DSCAM: variants seen among roughly 807,000 people sequenced by gnomAD.
DSCAM encodes cell adhesion molecule DSCAM.
DSCAM carries 47 observed loss-of-function variants against 217.7 expected under a neutral mutation model. The ratio of observed to expected loss-of-function variants is 0.22; its 90% CI spans 0.17 to 0.28. The LOEUF is 0.28. DSCAM is among the 10% of genes least tolerant of loss of function. The probability of loss-of-function intolerance (pLI) is 1.00; values close to 1 mark genes in which losing one functional copy is unlikely to be tolerated. For missense variants in DSCAM, 2,080 were observed against 2,618.3 expected (o/e 0.79, Z 4.49); for synonymous variants, 1,056 against 1,015.3 (o/e 1.04, Z -0.76).
chr21:40,579,984 G>T (rs1017815952), intron 3 of DSCAM, among the ~76,000 whole-genome samples: 1 of 152,064 alleles, frequency 6.6e-6, no homozygotes. Flanking sequence ...GCTAGGGTCC[G>T]TGCTACACGG....
At chr21:40,714,555 C>T (rs1351519110) in intron 1 of DSCAM, among the ~76,000 whole-genome samples, 1 of 152,194 alleles carries the variant, frequency 6.6e-6, no homozygotes, top group Non-Finnish European at 1.5e-5. Flanking sequence ...CCTCTTCCTG[C>T]CTCTTTCTCC....
chr21:40,562,523 C>T (rs567483292), intron 3 of DSCAM, among the ~76,000 whole-genome samples: 3 of 152,326 alleles, frequency 2.0e-5, no homozygotes, highest in East Asian at 3.9e-4. Flanking sequence ...AGCTCAGCAT[C>T]ATGTTTACTG....
rs200674251 is a variant in DSCAM, at chr21:40,438,428, TGA to T, written c.509-69185_509-69184del. The stretch of plus-strand genomic sequence containing the variant: ...GATGAATGAATGAATGAGTGGTAAG[TGA>T]AGGAGTTAAATAAATGAGAAAGTGC... On this transcript the variant is annotated intron_variant, in intron 3 of 32. Transcript: ENST00000400454. Among the ~76,000 whole-genome samples, 595 of 152,244 alleles carry T rather than the reference TGA, an allele frequency of 3.9e-3. 18 individuals are homozygous for T. The East Asian group carries it at 0.07, about 18-fold the overall frequency.
At chr21:40,245,270 G>A (rs2073208658) in intron 11 of DSCAM, among the ~76,000 whole-genome samples, 1 of 152,210 alleles carries the variant, frequency 6.6e-6, no homozygotes, top group Non-Finnish European at 1.5e-5. Flanking sequence ...GCAGCCAGCA[G>A]CCCTGAGTTT....
At chr21:40,088,232 C>T (rs978081904) in intron 21 of DSCAM, among the ~76,000 whole-genome samples, 13 of 152,094 alleles carry the variant, frequency 8.5e-5, no homozygotes, top group African/African-American at 7.2e-5. Context: ...ATGCACAGAC[C>T]GGAAACCATA....
intron 1 of DSCAM, among the ~76,000 whole-genome samples, chr21:40,835,734 C>T (rs1466629123): frequency 2.0e-5 from 3 of 152,068 alleles, no homozygotes; most frequent in East Asian, 3.9e-4. Context: ...TGAATTTAGG[C>T]CTCTCTCCAG....
intron 3 of DSCAM, among the ~76,000 whole-genome samples, chr21:40,467,808 AG>A (rs2075856784): frequency 6.6e-6 from 1 of 151,822 alleles, no homozygotes; most frequent in Non-Finnish European, 1.5e-5. Context: ...CAATTATGTG[AG>A]GGGAAAATAA....
chr21:40,355,817 C>A (rs16999692), intron 4 of DSCAM, among the ~76,000 whole-genome samples: 62 of 152,246 alleles, frequency 4.1e-4, no homozygotes, highest in African/African-American at 1.4e-3. Flanking sequence ...GTAATTTTGA[C>A]GAACATCTCT....
intron 4 of DSCAM, among the ~76,000 whole-genome samples, chr21:40,357,861 T>TAAA (rs71186927): frequency 0.03 from 4,594 of 150,966 alleles, 91 homozygotes; most frequent in African/African-American, 0.054. Flanking sequence ...TAAAGTATAA[T>TAAA]AAAAAAAAAC....
chr21:40,309,271 C>G (rs558648804), intron 9 of DSCAM, among the ~76,000 whole-genome samples: 57 of 152,340 alleles, frequency 3.7e-4, no homozygotes, highest in African/African-American at 1.2e-3. Flanking sequence ...GCTGCAATGA[C>G]ACCAGGTCAT....
intron 1 of DSCAM, among the ~76,000 whole-genome samples, chr21:40,755,092 G>A (rs1391384288): frequency 1.3e-5 from 2 of 152,196 alleles, no homozygotes; most frequent in African/African-American, 2.4e-5. Flanking sequence ...ACATGGAAGA[G>A]GAAGGGAGAT....
intron 3 of DSCAM, among the ~76,000 whole-genome samples, chr21:40,521,523 T>C (rs1245779497): frequency 6.6e-6 from 1 of 152,144 alleles, no homozygotes; most frequent in Non-Finnish European, 1.5e-5. Flanking sequence ...ATGCTGAGAA[T>C]GTTTTCATAT....
At chr21:40,765,752 T>C (rs1263066952) in intron 1 of DSCAM, among the ~76,000 whole-genome samples, 1 of 152,188 alleles carries the variant, frequency 6.6e-6, no homozygotes, top group African/African-American at 2.4e-5. Flanking sequence ...AACAGAATGG[T>C]TGTTTAATTT....
Position 40,353,703 on chromosome 21 carries a change from G to C in DSCAM, c.696C>G (p.Asp232Glu), listed in dbSNP as rs2297270. The C allele has an allele frequency of 0.088, 141,068 of 1,599,928 alleles. 7,369 individuals are homozygous for C. The highest frequency in any genetic ancestry group is 0.23 in the East Asian group (10,054 of 44,574). ...GCTGCCCAGCCATGGCTTTGCGATG[G>C]TCAAACCCATCCAGTATGGATGGGG... is the stretch of plus-strand genomic sequence containing the variant. Reference protein sequence around the residue: ...NSAPSILDGFDHRKAMAGQRV... With the variant: ...NSAPSILDGFEHRKAMAGQRV... Residue 232 changes from aspartate to glutamate, a missense_variant, in exon 5 of 33, where the codon GAC becomes GAG. Physicochemically the swap from Asp to Glu is conservative, Grantham distance 45. Coordinates refer to ENST00000400454, the MANE Select transcript of DSCAM (RefSeq NM_001389.5).
chr21:40,258,790 C>T (rs191382324), intron 11 of DSCAM, among the ~76,000 whole-genome samples: 19 of 152,346 alleles, frequency 1.2e-4, no homozygotes, highest in Non-Finnish European at 1.5e-4. Flanking sequence ...GTTCTCCTCT[C>T]TCTTTACCTC....
intron 1 of DSCAM, among the ~76,000 whole-genome samples, chr21:40,818,286 C>T (rs1039778483): frequency 4.0e-5 from 6 of 151,380 alleles, no homozygotes; most frequent in African/African-American, 1.5e-4. Context: ...GTGGCTCACG[C>T]CTGTAATCCC....
intron 3 of DSCAM, among the ~76,000 whole-genome samples, chr21:40,620,242 GAGAA>G (rs770311326): frequency 0.038 from 3,526 of 92,790 alleles, 84 homozygotes; most frequent in Middle Eastern, 0.094. Flanking sequence ...AAGAAAGAGA[GAGAA>G]AGAGAGAGAA....
chr21:40,146,784 A>G (rs1462388748), intron 16 of DSCAM, among the ~76,000 whole-genome samples: 1 of 152,190 alleles, frequency 6.6e-6, no homozygotes, highest in African/African-American at 2.4e-5. Flanking sequence ...ACAAATGTCT[A>G]TGCTCCTCTG....
chr21:40,730,595 A>G (rs567994026), intron 1 of DSCAM, among the ~76,000 whole-genome samples: 1 of 152,160 alleles, frequency 6.6e-6, no homozygotes, highest in Admixed American at 6.5e-5. Flanking sequence ...TCTATCAAGG[A>G]TGCCCCAGGG....
Sources: gnomAD v4.1 joint callset for allele counts (sites outside exome capture counted in the v4.1 genomes callset) on GRCh38, gnomAD v4.1.1 for gene constraint, MANE v1.5 for transcripts, NCBI Gene and HGNC (gene_info 2026-07-23, HGNC 2026-07-21) for gene names.